Variants in SLC15A5 observed in about 807,000 individuals in gnomAD.
SLC15A5 encodes the protein Peptide/histidine transporter ENSP00000340402.
SLC15A5 carries 58 observed loss-of-function variants against 56.1 expected under a neutral mutation model. That is an observed-to-expected ratio of 1.03 (90% CI 0.84 to 1.29). The LOEUF is 1.29. Among genes scored for constraint, SLC15A5 ranks in the 50% most tolerant of loss-of-function variants. SLC15A5 has a pLI of 0.00. For synonymous variants in SLC15A5, 264 were observed against 250.5 expected (o/e 1.05, Z -0.51); for missense variants, 681 against 672.1 (o/e 1.01, Z -0.15).
At chr12:16,242,335 A>G (rs1591652946) in intron 4 of SLC15A5, among the ~76,000 whole-genome samples, 5 of 123,042 alleles carry the variant, frequency 4.1e-5, no homozygotes, top group Admixed American at 1.7e-4. Context: ...ACATTACTGT[A>G]TATAATTTTG....
intron 7 of SLC15A5, among the ~76,000 whole-genome samples, chr12:16,214,914 G>T (rs1864115168): frequency 6.6e-6 from 1 of 151,834 alleles, no homozygotes; most frequent in African/African-American, 2.4e-5. Context: ...CTACAGTGAG[G>T]GTAGTCTTGG....
At chr12:16,211,897 G>A (rs1439944162) in intron 7 of SLC15A5, among the ~76,000 whole-genome samples, 2 of 152,084 alleles carry the variant, frequency 1.3e-5, no homozygotes, top group African/African-American at 2.4e-5. Context: ...TGAATTTACC[G>A]CATTCACACC....
chr12:16,222,054 G>C (rs1398711646), intron 6 of SLC15A5, among the ~76,000 whole-genome samples: 1 of 152,072 alleles, frequency 6.6e-6, no homozygotes, highest in African/African-American at 2.4e-5. Flanking sequence ...ATAATATTAG[G>C]TTGGTGAAAA....
chr12:16,254,035 C>T (rs948739143), intron 3 of SLC15A5, among the ~76,000 whole-genome samples: 37 of 152,224 alleles, frequency 2.4e-4, no homozygotes, highest in Middle Eastern at 3.4e-3. Context: ...ACACATCCCA[C>T]ATGTCCATTG....
rs2136825654 is a variant in SLC15A5, at chr12:16,272,476, G to A, written c.584+85C>T. 4.8e-6 allele frequency: 6 copies of A among 1,257,690 alleles called. No homozygotes were observed. The South Asian group carries it at 5.3e-5, about 11-fold the overall frequency. 77.9% of individuals were successfully genotyped at this position (1,257,690 alleles called of 1,614,324 possible). ...CTTAGCCCAATTCATCACAAAGACTGAGCAACTACTACCCAAATGGAATCA... is the reference window on the plus strand; with the variant it reads ...CTTAGCCCAATTCATCACAAAGACTAAGCAACTACTACCCAAATGGAATCA... On this transcript the variant is annotated intron_variant, in intron 2 of 8. Transcript: ENST00000344941.
chr12:16,260,874 T>G (rs1864637102), intron 2 of SLC15A5, among the ~76,000 whole-genome samples: 2 of 152,124 alleles, frequency 1.3e-5, no homozygotes, highest in Non-Finnish European at 2.9e-5. Context: ...GATATTCAGT[T>G]ATTACAATAC....
At chr12:16,217,143 G>T in intron 6 of SLC15A5, 119 bp from the exon 7 acceptor site, 1 of 1,139,902 alleles carries the variant, frequency 8.8e-7, no homozygotes, top group Non-Finnish European at 1.2e-6. Flanking sequence ...TAAAAATTTG[G>T]GTTGGACTTT....
intron 7 of SLC15A5, among the ~76,000 whole-genome samples, chr12:16,197,288 A>G (rs779716342): frequency 9.9e-5 from 15 of 152,152 alleles, no homozygotes; most frequent in Non-Finnish European, 7.4e-5. Context: ...CATGGTAAAG[A>G]GAAGCATCGC....
chr12:16,231,173 T>G (rs1465537845), intron 5 of SLC15A5, among the ~76,000 whole-genome samples: 1 of 152,146 alleles, frequency 6.6e-6, no homozygotes, highest in Non-Finnish European at 1.5e-5. Flanking sequence ...CTATGCAGAT[T>G]TAGAATACTT....
intron 7 of SLC15A5, among the ~76,000 whole-genome samples, chr12:16,194,708 C>G (rs1199084332): frequency 6.6e-6 from 1 of 152,068 alleles, no homozygotes; most frequent in African/African-American, 2.4e-5. Context: ...GTCAGAAGAA[C>G]TGGGTTGTAA....
chr12:16,275,864 A>C (rs1192902637), intron 1 of SLC15A5, among the ~76,000 whole-genome samples: 1 of 151,928 alleles, frequency 6.6e-6, no homozygotes, highest in Non-Finnish European at 1.5e-5. Context: ...AAGCAGAGTA[A>C]GTTAGTCTGG....
chr12:16,199,866 G>A (rs1863935491), intron 7 of SLC15A5, among the ~76,000 whole-genome samples: 1 of 152,060 alleles, frequency 6.6e-6, no homozygotes, highest in Admixed American at 6.6e-5. Context: ...TCTGGGGGGT[G>A]CCAGATAGCC....
chr12:16,275,519 C>T (rs1010298856), intron 1 of SLC15A5, among the ~76,000 whole-genome samples: 3 of 151,814 alleles, frequency 2.0e-5, no homozygotes, highest in Non-Finnish European at 4.4e-5. Flanking sequence ...AACTGGCAGC[C>T]GAGTAAGTAG....
chr12:16,275,937 C>T (rs1282218702), intron 1 of SLC15A5, among the ~76,000 whole-genome samples: 1 of 151,958 alleles, frequency 6.6e-6, no homozygotes, highest in Non-Finnish European at 1.5e-5. Flanking sequence ...AGCCTCATCA[C>T]CATCCATTCC....
intron 6 of SLC15A5, among the ~76,000 whole-genome samples, chr12:16,217,706 C>T (rs769813194): frequency 6.6e-5 from 10 of 152,118 alleles, no homozygotes; most frequent in Non-Finnish European, 1.5e-4. Flanking sequence ...CAGTATTAAT[C>T]TTATCAAATT....
chr12:16,223,518 T>C (rs904896920), intron 6 of SLC15A5, among the ~76,000 whole-genome samples: 2 of 152,158 alleles, frequency 1.3e-5, no homozygotes, highest in Non-Finnish European at 2.9e-5. Context: ...ATATAAGCAA[T>C]CTAGATAATT....
rs192012255 is a variant in SLC15A5, at chr12:16,266,151, G to T, written c.584+6410C>A. Among the ~76,000 whole-genome samples, 610 of 152,264 alleles carry T rather than the reference G, an allele frequency of 4.0e-3. 4 individuals are homozygous for T. Among genetic ancestry groups the T allele is most frequent in the Non-Finnish European group, 3.0e-3 (204 of 68,014 alleles). ...AGGTACAAAAAGTTATAATTTTCTA[G>T]GACAACTGGGTGGAGTCCCTAGGCT... On this transcript the variant is annotated intron_variant, in intron 2 of 8. Transcript: ENST00000344941.
intron 7 of SLC15A5, among the ~76,000 whole-genome samples, chr12:16,210,334 C>G (rs1277391197): frequency 1.5e-5 from 2 of 133,376 alleles, no homozygotes; most frequent in African/African-American, 5.4e-5. Context: ...CAAGAAGAAT[C>G]TCAGAGCACT....
intron 5 of SLC15A5, among the ~76,000 whole-genome samples, chr12:16,238,471 C>CA (rs1021777007): frequency 6.0e-5 from 9 of 149,174 alleles, no homozygotes; most frequent in South Asian, 4.2e-4. Flanking sequence ...ACTAAAAATG[C>CA]AAAAAAAAAT....
Sources: allele counts gnomAD v4.1 joint callset (sites outside exome capture counted in the v4.1 genomes callset), GRCh38; gene constraint gnomAD v4.1.1; transcripts MANE v1.5; gene names NCBI Gene and HGNC (gene_info 2026-07-23, HGNC 2026-07-21).